Variants in SYT14 observed in about 807,000 individuals in gnomAD.
SYT14 encodes the protein synaptotagmin-14.
In SYT14, 32 loss-of-function variants were observed where a neutral mutation model predicts 74.2. The ratio of observed to expected loss-of-function variants is 0.43; its 90% CI spans 0.33 to 0.58. The LOEUF (loss-of-function observed/expected upper bound fraction) is 0.58. Ranked by LOEUF, SYT14 falls within the 20% of genes least tolerant of loss-of-function variation. SYT14 has a pLI of 0.05. For missense variants in SYT14, 791 were observed against 981.8 expected, an observed-to-expected ratio of 0.81 and a Z score of 2.60; for synonymous variants, 298 against 337.7, an observed-to-expected ratio of 0.88 and a Z score of 1.29.
Position 210,143,459 on chromosome 1 carries a change from T to C in SYT14, c.2035-12262T>C, listed in dbSNP as rs148716779. Among the ~76,000 whole-genome samples, 21 of 152,306 alleles carry C rather than the reference T, an allele frequency of 1.4e-4. No individual in the cohort carries two copies. The East Asian group carries it at 4.0e-3, about 29-fold the overall frequency. On this transcript the variant is annotated intron_variant, in intron 7 of 9. Transcript: ENST00000637265. ...TCTAAATTTGTTAAATATTACACAGTTGGGAGTATATTATATTCATTTGCT... is the reference window on the plus strand; with the variant it reads ...TCTAAATTTGTTAAATATTACACAGCTGGGAGTATATTATATTCATTTGCT...
At chr1:210,067,061 G>A (rs1200707345) in intron 5 of SYT14, among the ~76,000 whole-genome samples, 3 of 151,978 alleles carry the variant, frequency 2.0e-5, no homozygotes, top group Non-Finnish European at 2.9e-5. Flanking sequence ...GTTGAAGACT[G>A]TTCTTTCCCC....
At chr1:209,974,906 TCTC>T (rs768674270) in intron 2 of SYT14, among the ~76,000 whole-genome samples, 13 of 152,184 alleles carry the variant, frequency 8.5e-5, no homozygotes, top group East Asian at 7.7e-4. Context: ...GGTTTGTAGT[TCTC>T]CTTGAAGAGG....
chr1:209,976,975 CT>C (rs1342722126), intron 2 of SYT14, among the ~76,000 whole-genome samples: 1 of 152,094 alleles, frequency 6.6e-6, no homozygotes, highest in African/African-American at 2.4e-5. Context: ...TTCTTTGTCT[CT>C]TTTGATCTTT....
At chr1:210,065,792 T>C (rs1053116956) in intron 5 of SYT14, among the ~76,000 whole-genome samples, 9 of 151,978 alleles carry the variant, frequency 5.9e-5, no homozygotes, top group Non-Finnish European at 1.0e-4. Flanking sequence ...TTGTTACATA[T>C]GTATACATGT....
intron 2 of SYT14, among the ~76,000 whole-genome samples, chr1:209,973,578 A>G (rs2079298103): frequency 1.3e-5 from 2 of 152,184 alleles, no homozygotes; most frequent in African/African-American, 4.8e-5. Context: ...TCCATGGTGT[A>G]TATGTGCCAC....
intron 7 of SYT14, among the ~76,000 whole-genome samples, chr1:210,104,952 G>A (rs2082132517): frequency 6.6e-6 from 1 of 152,142 alleles, no homozygotes. Flanking sequence ...TGACAAAGCT[G>A]TGATGTGTTT....
chr1:210,016,827 A>G (rs2080193777), exon 4 of SYT14: 1 of 1,231,742 alleles, frequency 8.1e-7, no homozygotes, highest in Non-Finnish European at 1.0e-6. Flanking sequence ...TCCAAAGGGA[A>G]TGAGTGTTCA....
intron 7 of SYT14, among the ~76,000 whole-genome samples, chr1:210,140,260 T>C (rs1423333996): frequency 6.6e-6 from 1 of 152,224 alleles, no homozygotes; most frequent in African/African-American, 2.4e-5. Flanking sequence ...TGTATCTTCT[T>C]TGGATAAATT....
chr1:210,077,697 T>G (rs1363999034), intron 5 of SYT14, among the ~76,000 whole-genome samples: 1 of 152,246 alleles, frequency 6.6e-6, no homozygotes, highest in Admixed American at 6.5e-5. Context: ...CATTGTACGT[T>G]TCTATCTGCA....
At chr1:210,144,004 C>T (rs2082978236) in intron 7 of SYT14, among the ~76,000 whole-genome samples, 2 of 152,044 alleles carry the variant, frequency 1.3e-5, no homozygotes, top group African/African-American at 4.8e-5. Context: ...ACTTTTAAAA[C>T]ATGTCCAAGG....
At chr1:209,942,645 C>T (rs2078754253) in intron 1 of SYT14, among the ~76,000 whole-genome samples, 1 of 152,142 alleles carries the variant, frequency 6.6e-6, no homozygotes, top group South Asian at 2.1e-4. Context: ...CAAGTTAGTG[C>T]TAGTTATCTT....
chr1:210,017,178 T>C (rs1423978821), intron 4 of SYT14: 3 of 1,038,912 alleles, frequency 2.9e-6, no homozygotes, highest in East Asian at 6.5e-5. Flanking sequence ...CATCCAAATT[T>C]CTCAGCTTTC....
intron 1 of SYT14, among the ~76,000 whole-genome samples, chr1:209,941,584 A>G (rs1254266674): frequency 6.6e-6 from 1 of 152,140 alleles, no homozygotes; most frequent in East Asian, 1.9e-4. Context: ...GTCTTAATTT[A>G]CCTGACCTAA....
chr1:210,098,821 C>T (rs1558187684), intron 6 of SYT14, among the ~76,000 whole-genome samples: 1 of 152,008 alleles, frequency 6.6e-6, no homozygotes, highest in African/African-American at 2.4e-5. Context: ...GCTGGGACTA[C>T]AGGCACCTGC....
intron 2 of SYT14, among the ~76,000 whole-genome samples, chr1:209,978,660 A>G (rs2079417745): frequency 6.6e-6 from 1 of 152,206 alleles, no homozygotes; most frequent in Non-Finnish European, 1.5e-5. Flanking sequence ...TCAGGGACCC[A>G]CTTGAGGAGG....
chr1:210,016,943 G>C, exon 4 of SYT14: 2 of 1,231,738 alleles, frequency 1.6e-6, no homozygotes, highest in Non-Finnish European at 1.0e-6. Context: ...TAATTCTAAA[G>C]ATAAGTTATC....
chr1:209,943,545 CAGCAGTGCATGCCA>C (rs1358296639), intron 1 of SYT14, among the ~76,000 whole-genome samples: 1 of 144,666 alleles, frequency 6.9e-6, no homozygotes, highest in African/African-American at 2.6e-5. Context: ...AAAGAGAATG[CAGCAGTGCATGCCA>C]ATGGGGAAAG....
chr1:210,131,550 T>C (rs2082674632), intron 7 of SYT14, among the ~76,000 whole-genome samples: 1 of 151,542 alleles, frequency 6.6e-6, no homozygotes, highest in Non-Finnish European at 1.5e-5. Context: ...ATTATTTATA[T>C]ATATATGTAT....
chr1:209,965,785 T>C lies in SYT14; in HGVS notation c.-486+13029T>C, dbSNP rs148422768. On this transcript the variant is annotated intron_variant, in intron 2 of 9. Transcript: ENST00000637265. ...TGGATATCTAATTGTTTCAGCCTCATTTTTTGAAAAAAACTATCCTTTCTG... is the reference window on the plus strand; with the variant it reads ...TGGATATCTAATTGTTTCAGCCTCACTTTTTGAAAAAAACTATCCTTTCTG... The C allele has an allele frequency of 3.6e-3, 1,404 of 393,382 alleles. 24 individuals carry two copies. Among genetic ancestry groups the C allele is most frequent in the African/African-American group, 0.027 (1,293 of 47,352 alleles). 24.4% of individuals were successfully genotyped at this position (393,382 alleles called of 1,614,324 possible). A position where few individuals can be genotyped will look rare whatever the true frequency, so the allele number is the denominator to read the frequency against.
Sources: gnomAD v4.1 joint callset for allele counts (sites outside exome capture counted in the v4.1 genomes callset) on GRCh38, gnomAD v4.1.1 for gene constraint, MANE v1.5 for transcripts, NCBI Gene and HGNC (gene_info 2026-07-23, HGNC 2026-07-21) for gene names.